ACOT7: variants seen among roughly 807,000 people sequenced by gnomAD.
The protein encoded by ACOT7 is acyl-CoA thioesterase 7, also known as cytosolic acyl coenzyme A thioester hydrolase.
ACOT7 carries 12 observed loss-of-function variants against 40.2 expected under a neutral mutation model. That is an observed-to-expected ratio of 0.30 (90% CI 0.19 to 0.48). The LOEUF (loss-of-function observed/expected upper bound fraction) is 0.48. ACOT7 is among the 20% of genes least tolerant of loss of function. The pLI is 0.99. For synonymous variants in ACOT7, 228 were observed against 219.5 expected (o/e 1.04, Z -0.34); for missense variants, 395 against 530.8 (o/e 0.74, Z 2.51).
chr1:6,309,906 C>A (rs1340945028), intron 6 of ACOT7, among the ~76,000 whole-genome samples: 1 of 152,200 alleles, frequency 6.6e-6, no homozygotes, highest in Non-Finnish European at 1.5e-5. Context: ...TTCTTAAATG[C>A]CTCCCATGTG....
At chr1:6,270,923 C>T (rs1391050033) in intron 8 of ACOT7, among the ~76,000 whole-genome samples, 2 of 152,184 alleles carry the variant, frequency 1.3e-5, no homozygotes, top group African/African-American at 4.8e-5. Context: ...CACACCCACA[C>T]ATGGGGACGC....
intron 1 of ACOT7, among the ~76,000 whole-genome samples, chr1:6,363,639 C>T (rs912592106): frequency 2.6e-5 from 4 of 152,284 alleles, no homozygotes; most frequent in Non-Finnish European, 4.4e-5. Flanking sequence ...GCCTTGGCTG[C>T]CAGGCAGGGA....
At chr1:6,329,548 A>G (rs1480194144) in intron 4 of ACOT7, among the ~76,000 whole-genome samples, 1 of 151,594 alleles carries the variant, frequency 6.6e-6, no homozygotes, top group Non-Finnish European at 1.5e-5. Context: ...TATCCAGTAC[A>G]TTTGTCTGGG....
At chr1:6,354,731 CA>C (rs1641695262) in intron 1 of ACOT7, among the ~76,000 whole-genome samples, 1 of 68,470 alleles carries the variant, frequency 1.5e-5, no homozygotes, top group Non-Finnish European at 2.7e-5. Flanking sequence ...ATGGCCTCTA[CA>C]CTGGCCTCTA....
At chr1:6,277,485 G>T (rs1464436431) in intron 8 of ACOT7, among the ~76,000 whole-genome samples, 1 of 152,154 alleles carries the variant, frequency 6.6e-6, no homozygotes, top group Non-Finnish European at 1.5e-5. Flanking sequence ...TCTACTTTAC[G>T]CCCATATGCG....
chr1:6,376,759 G>A (rs180931664), intron 1 of ACOT7, among the ~76,000 whole-genome samples: 2 of 151,136 alleles, frequency 1.3e-5, no homozygotes, highest in Non-Finnish European at 2.9e-5. Context: ...AGCTGGGCGT[G>A]GTGGTGGGCA....
intron 3 of ACOT7, among the ~76,000 whole-genome samples, chr1:6,336,913 G>A (rs1641122216): frequency 6.6e-6 from 1 of 152,216 alleles, no homozygotes; most frequent in African/African-American, 2.4e-5. Flanking sequence ...CGCAGTCACA[G>A]AGTGAGACAA....
chr1:6,389,169 G>A (rs1247942562), intron 1 of ACOT7, among the ~76,000 whole-genome samples: 1 of 151,970 alleles, frequency 6.6e-6, no homozygotes, highest in Non-Finnish European at 1.5e-5. Context: ...CTGTCAACTA[G>A]ACCTCAGACA....
chr1:6,331,166 G>A (rs116119439), intron 4 of ACOT7, among the ~76,000 whole-genome samples: 1,532 of 152,270 alleles, frequency 0.01, 27 homozygotes, highest in African/African-American at 0.034. Context: ...AACAAGAGAC[G>A]GGAGAGGTTG....
In ACOT7 at chr1:6,359,054, T is replaced by C. The variant is rs575360292; in HGVS notation, c.144-9188A>G. 3.9e-5 allele frequency: 25 copies of C among 645,606 alleles called. No individual in the cohort carries two copies. The highest frequency in any genetic ancestry group is 8.9e-4 in the Middle Eastern group (2 of 2,242). 40.0% of individuals were successfully genotyped at this position (645,606 alleles called of 1,614,324 possible). ...CAGAGCGTCTACCAGAAACCGGTCG[T>C]CATGGAAACCTTGCTTTATAAATAA... On this transcript the variant is annotated intron_variant, in intron 1 of 8. Transcript: ENST00000361521. This position sits in a 1 kb window ranked among gnomAD's most constrained non-coding sequence, Gnocchi z 4.1.
chr1:6,392,884 G>A (rs150213121), intron 1 of ACOT7, among the ~76,000 whole-genome samples: 2,981 of 152,270 alleles, frequency 0.02, 45 homozygotes, highest in Non-Finnish European at 0.029. Flanking sequence ...TGAGGCTCCG[G>A]GATGCTCGGG....
At chr1:6,385,660 G>T in intron 1 of ACOT7, 1 of 1,611,740 alleles carries the variant, frequency 6.2e-7, no homozygotes. Flanking sequence ...CTGGCAAGCA[G>T]CTTCATCCTG....
In ACOT7 at chr1:6,299,665, AGTGTGTGTGT is replaced by A. The variant is rs3838286; in HGVS notation, c.713-4695_713-4686del. Among the ~76,000 whole-genome samples the A allele has an allele frequency of 1.3e-5, 2 of 148,444 alleles. No homozygotes were observed. Among genetic ancestry groups the A allele is most frequent in the African/African-American group, 2.5e-5 (1 of 40,226 alleles). On this transcript the variant is annotated intron_variant, in intron 6 of 8. Coordinates refer to ENST00000361521, the MANE Select transcript of ACOT7 (RefSeq NM_007274.4). The surrounding 1 kb of genome is among the most constrained non-coding windows in gnomAD (Gnocchi z 4.1). ...CAGAGAGAGAGAGAGAGAGAGCGCA[AGTGTGTGTGT>A]GTGTGTGTGTGTGTGTAGGGCACGT...
intron 5 of ACOT7, among the ~76,000 whole-genome samples, chr1:6,322,718 T>G (rs1640682846): frequency 6.6e-6 from 1 of 152,200 alleles, no homozygotes; most frequent in South Asian, 2.1e-4. Flanking sequence ...AATTACCTCT[T>G]TAAAGACTCT....
At chr1:6,392,523 A>G (rs1227515953) in intron 1 of ACOT7, among the ~76,000 whole-genome samples, 1 of 152,054 alleles carries the variant, frequency 6.6e-6, no homozygotes, top group Non-Finnish European at 1.5e-5. Context: ...GCCTGCATCT[A>G]TCTACTCAGT....
At chr1:6,305,223 G>C (rs1301167182) in intron 6 of ACOT7, among the ~76,000 whole-genome samples, 1 of 149,550 alleles carries the variant, frequency 6.7e-6, no homozygotes, top group South Asian at 2.1e-4. Context: ...ATCCTTCCCG[G>C]ACGGGGCGGC....
At chr1:6,380,649 G>C (rs1475294084) in intron 1 of ACOT7, among the ~76,000 whole-genome samples, 1 of 148,218 alleles carries the variant, frequency 6.7e-6, no homozygotes, top group African/African-American at 2.5e-5. Flanking sequence ...TTCAACAAAT[G>C]GTGCTAAGGA....
chr1:6,366,429 TTAAAAA>T (rs1642012817), intron 1 of ACOT7, among the ~76,000 whole-genome samples: 1 of 151,358 alleles, frequency 6.6e-6, no homozygotes, highest in Non-Finnish European at 1.5e-5. Flanking sequence ...AAAATAAAAA[TTAAAAA>T]ATTAGCTACT....
chr1:6,278,405 A>G lies in ACOT7; in HGVS notation c.1014+2697T>C, dbSNP rs7547091. 0.084 allele frequency among the ~76,000 whole-genome samples: 12,835 copies of G among 152,082 alleles called. 611 individuals are homozygous for G. Among genetic ancestry groups the G allele is most frequent in the Non-Finnish European group, 0.11 (7,679 of 67,966 alleles). On this transcript the variant is annotated intron_variant, in intron 8 of 8. Transcript: ENST00000361521. The surrounding 1 kb of genome is among the most constrained non-coding windows in gnomAD (Gnocchi z 4.1). ...AGGAAGGAGCAGCTGAGGACTGAGC[A>G]GGGGCCCCATGGGGACGGGGCAGTA... is the stretch of plus-strand genomic sequence containing the variant.
Sources: allele counts gnomAD v4.1 joint callset (sites outside exome capture counted in the v4.1 genomes callset), GRCh38; gene constraint gnomAD v4.1.1; non-coding constraint Gnocchi (gnomAD v3.1); transcripts MANE v1.5; gene names NCBI Gene and HGNC (gene_info 2026-07-23, HGNC 2026-07-21).